Variants in OR4Q3 observed in about 807,000 individuals in gnomAD.
OR4Q3 encodes the protein olfactory receptor 4Q3.
OR4Q3 carries 17 observed loss-of-function variants against 18.8 expected under a neutral mutation model. The ratio of observed to expected loss-of-function variants is 0.91; its 90% CI spans 0.62 to 1.36. OR4Q3 has a LOEUF of 1.36. Among genes scored for constraint, OR4Q3 ranks in the 40% most tolerant of loss-of-function variants. The probability of loss-of-function intolerance (pLI) is 0.00; values close to 1 mark genes in which losing one functional copy is unlikely to be tolerated. For synonymous variants in OR4Q3, 158 were observed against 145.8 expected (o/e 1.08, Z -0.60); for missense variants, 378 against 373.4 (o/e 1.01, Z -0.10).
At chr14:19,748,439 G>A in exon 2 of OR4Q3, 1 of 1,165,710 alleles carries the variant, frequency 8.6e-7, no homozygotes, top group Non-Finnish European at 1.2e-6. Flanking sequence ...TCTTGTACAT[G>A]GGTAAAAACC....
At chr14:19,745,198 C>G in intron 1 of OR4Q3, among the ~76,000 whole-genome samples, 1 of 152,058 alleles carries the variant, frequency 6.6e-6, no homozygotes, top group Admixed American at 6.6e-5. Flanking sequence ...TAGGAACTGT[C>G]CAGAATATTT....
chr14:19,751,192 T>G, downstream of OR4Q3, among the ~76,000 whole-genome samples: 1 of 152,264 alleles, frequency 6.6e-6, no homozygotes, highest in Non-Finnish European at 1.5e-5. Flanking sequence ...TATTCCCTTT[T>G]GCATTTTCAA....
intron 1 of OR4Q3, among the ~76,000 whole-genome samples, chr14:19,745,578 T>C: frequency 6.6e-6 from 1 of 152,196 alleles, no homozygotes; most frequent in Non-Finnish European, 1.5e-5. Flanking sequence ...ATAACTTTGG[T>C]TTCTCTTTCT....
chr14:19,748,180 C>T, exon 2 of OR4Q3: 8 of 1,614,112 alleles, frequency 5.0e-6, no homozygotes, highest in Non-Finnish European at 6.8e-6. Context: ...TCAGCCTGAT[C>T]TTCGTGCCAT....
exon 2 of OR4Q3, chr14:19,748,266 C>T: frequency 8.1e-6 from 12 of 1,488,076 alleles, no homozygotes; most frequent in African/African-American, 1.5e-5. Context: ...ACAGTGATTA[C>T]ACCTATGTTG....
exon 2 of OR4Q3, chr14:19,749,397 G>A: frequency 6.6e-6 from 1 of 152,438 alleles, no homozygotes; most frequent in Non-Finnish European, 1.5e-5. Context: ...TCAGGAGTTT[G>A]AGACCAGCTT....
At chr14:19,752,114 A>G, downstream of OR4Q3, among the ~76,000 whole-genome samples, 2 of 152,204 alleles carry the variant, frequency 1.3e-5, no homozygotes, top group Admixed American at 1.3e-4. Context: ...TGGCCTTGGG[A>G]AAAAAATTAG....
chr14:19,744,297 G>T (rs184927291), intron 1 of OR4Q3, among the ~76,000 whole-genome samples: 2 of 151,606 alleles, frequency 1.3e-5, no homozygotes, highest in African/African-American at 4.8e-5. Flanking sequence ...ATTTTCTATT[G>T]TTGAGGTAGT....
Position 19,745,311 on chromosome 14 carries a change from C to T in OR4Q3, c.2+1640C>T. ...GTAATTTGGGTTAAAATATATTTTA[C>T]ATATTCTTCCCTTATTTAATCTATC... On this transcript the variant is annotated intron_variant, in intron 1 of 1. Coordinates refer to ENST00000642117, the Ensembl canonical transcript of OR4Q3. Among the ~76,000 whole-genome samples, 5 of 152,276 alleles carry T rather than the reference C, an allele frequency of 3.3e-5. 1 individual carries two copies. The highest frequency in any genetic ancestry group is 2.1e-4 in the South Asian group (1 of 4,828).
intron 1 of OR4Q3, among the ~76,000 whole-genome samples, chr14:19,745,541 T>G: frequency 2.6e-5 from 4 of 152,186 alleles, no homozygotes; most frequent in African/African-American, 9.6e-5. Context: ...GTTTTCTGGC[T>G]TCTAGAAACC....
exon 2 of OR4Q3, chr14:19,747,902 A>G: frequency 6.2e-7 from 1 of 1,613,904 alleles, no homozygotes; most frequent in East Asian, 2.2e-5. Context: ...CCACTCTATC[A>G]TGCAGGTCAT....
downstream of OR4Q3, among the ~76,000 whole-genome samples, chr14:19,751,892 T>C: frequency 6.6e-6 from 1 of 152,246 alleles, no homozygotes; most frequent in Admixed American, 6.5e-5. Flanking sequence ...TAAGTTGTTC[T>C]CTAATTTTTG....
chr14:19,750,312 A>T, downstream of OR4Q3, among the ~76,000 whole-genome samples: 1 of 152,234 alleles, frequency 6.6e-6, no homozygotes, highest in African/African-American at 2.4e-5. Flanking sequence ...TAATACCTGT[A>T]TAGGAGCTTC....
Position 19,744,231 on chromosome 14 carries a change from G to A in OR4Q3, c.2+560G>A, listed in dbSNP as rs372535825. On this transcript the variant is annotated intron_variant, in intron 1 of 1. Coordinates refer to ENST00000642117, the Ensembl canonical transcript of OR4Q3. ...TGGTTTTCAGGAGAAATTTAAAAAT[G>A]CATCAAATGTGTCTAAAAGGAATTC... 2.7e-4 allele frequency among the ~76,000 whole-genome samples: 41 copies of A among 152,246 alleles called. No homozygotes were observed. In the East Asian group the frequency reaches 7.9e-3, roughly 29 times the overall value.
downstream of OR4Q3, chr14:19,749,603 G>GAAAAAAAAA: frequency 1.2e-3 from 1 of 840 alleles, no homozygotes; most frequent in Admixed American, 0.016. Flanking sequence ...CGGTCTCAAA[G>GAAAAAAAAA]CAAAAAAAAA....
At chr14:19,748,497 T>C in exon 2 of OR4Q3, 1 of 726,510 alleles carries the variant, frequency 1.4e-6, no homozygotes, top group Non-Finnish European at 2.2e-6. Context: ...AAGATTATAA[T>C]GGATCACTCT....
intron 1 of OR4Q3, among the ~76,000 whole-genome samples, chr14:19,746,383 A>G: frequency 2.0e-5 from 3 of 151,914 alleles, no homozygotes; most frequent in Non-Finnish European, 4.4e-5. Context: ...AGCAGGGGAA[A>G]ATGGATCTAA....
At chr14:19,746,424 T>C in intron 1 of OR4Q3, among the ~76,000 whole-genome samples, 1 of 152,282 alleles carries the variant, frequency 6.6e-6, no homozygotes, top group Admixed American at 6.5e-5. Flanking sequence ...TTTATTTTCT[T>C]ATGTATCTAT....
At chr14:19,750,974 C>T, downstream of OR4Q3, among the ~76,000 whole-genome samples, 1 of 152,238 alleles carries the variant, frequency 6.6e-6, no homozygotes, top group South Asian at 2.1e-4. Flanking sequence ...GCGTGAGTTA[C>T]AGAAAGATTT....
Sources: allele counts gnomAD v4.1 joint callset (sites outside exome capture counted in the v4.1 genomes callset), GRCh38; gene constraint gnomAD v4.1.1; transcripts MANE v1.5; gene names NCBI Gene and HGNC (gene_info 2026-07-23, HGNC 2026-07-21).